The following PHF21A variants were observed in gnomAD, a reference collection of about 807,000 sequenced individuals.
The protein encoded by PHF21A is PHD finger protein 21A.
A neutral mutation model predicts 82.5 loss-of-function variants in PHF21A; 11 were observed. The ratio of observed to expected loss-of-function variants is 0.13; its 90% CI spans 0.08 to 0.22. PHF21A has a LOEUF of 0.22. PHF21A is among the 10% of genes least tolerant of loss of function. The pLI is 1.00. For synonymous variants in PHF21A, 297 were observed against 302.8 expected (o/e 0.98, Z 0.20); for missense variants, 579 against 837.8 (o/e 0.69, Z 3.81).
rs1189054423 is a variant in PHF21A at position 46,034,543 on chromosome 11, A to G, written c.153+42211T>C. Among the ~76,000 whole-genome samples, 6 of 152,210 alleles carry G rather than the reference A, an allele frequency of 3.9e-5. No individual in the cohort carries two copies. The East Asian group carries it at 1.2e-3, about 29-fold the overall frequency. ...TCTTTTAGTATTTTTATAATGTTAT[A>G]TATTAAATCTCTAATCCACTTTAAA... On this transcript the variant is annotated intron_variant, in intron 6 of 18. Coordinates refer to ENST00000676320, the MANE Select transcript of PHF21A (RefSeq NM_001352027.3).
chr11:45,967,228 C>A (rs2093490794), intron 9 of PHF21A, among the ~76,000 whole-genome samples: 1 of 152,076 alleles, frequency 6.6e-6, no homozygotes, highest in South Asian at 2.1e-4. Context: ...ATTAGCCAGG[C>A]ATGGTGGCAC....
At chr11:46,001,785 C>T (rs1355004168) in intron 6 of PHF21A, among the ~76,000 whole-genome samples, 1 of 152,110 alleles carries the variant, frequency 6.6e-6, no homozygotes, top group African/African-American at 2.4e-5. Flanking sequence ...ACTAGAAAAA[C>T]GTCACTTTGA....
intron 6 of PHF21A, among the ~76,000 whole-genome samples, chr11:45,986,645 G>A (rs1276931998): frequency 3.9e-5 from 6 of 152,052 alleles, no homozygotes; most frequent in Non-Finnish European, 8.8e-5. Flanking sequence ...AAACTATACC[G>A]CCCTCCTTCC....
chr11:46,114,731 T>C (rs1406542898), intron 1 of PHF21A, among the ~76,000 whole-genome samples: 1 of 152,186 alleles, frequency 6.6e-6, no homozygotes, highest in Non-Finnish European at 1.5e-5. Flanking sequence ...AATAATCAAC[T>C]ACTGTTTGAT....
chr11:46,026,266 G>T (rs2095743631), intron 6 of PHF21A, among the ~76,000 whole-genome samples: 1 of 152,148 alleles, frequency 6.6e-6, no homozygotes, highest in Admixed American at 6.5e-5. Flanking sequence ...CAGCTCAGTG[G>T]CATGGGATAT....
intron 1 of PHF21A, among the ~76,000 whole-genome samples, chr11:46,108,749 CGTT>C (rs1454022417): frequency 2.0e-5 from 3 of 152,018 alleles, no homozygotes; most frequent in African/African-American, 4.8e-5. Flanking sequence ...CACTCTAAAA[CGTT>C]GATCGTTATA....
intron 10 of PHF21A, among the ~76,000 whole-genome samples, chr11:45,959,431 A>G (rs888102210): frequency 1.3e-5 from 2 of 152,260 alleles, no homozygotes; most frequent in Non-Finnish European, 2.9e-5. Context: ...ACATTTATGA[A>G]AACACAGCTA....
chr11:45,941,631 C>T (rs1009420693), intron 15 of PHF21A, among the ~76,000 whole-genome samples: 19 of 152,164 alleles, frequency 1.2e-4, no homozygotes, highest in Non-Finnish European at 2.2e-4. Flanking sequence ...AAACATTTTA[C>T]CCATACAGAA....
At chr11:45,938,895 G>C (rs1206800354) in intron 15 of PHF21A, among the ~76,000 whole-genome samples, 1 of 151,336 alleles carries the variant, frequency 6.6e-6, no homozygotes, top group Admixed American at 6.6e-5. Flanking sequence ...GTGCAGTGGC[G>C]CGATCTCAGC....
At chr11:46,027,529 A>G (rs537312682) in intron 6 of PHF21A, among the ~76,000 whole-genome samples, 3 of 152,360 alleles carry the variant, frequency 2.0e-5, no homozygotes, top group African/African-American at 7.2e-5. Context: ...TGCACAGGAA[A>G]CACACAAAAT....
At chr11:46,120,312 G>T (rs1268812534) in intron 1 of PHF21A, 2 of 122,404 alleles carry the variant, frequency 1.6e-5, no homozygotes, top group Non-Finnish European at 3.4e-5. Context: ...GGGTGGGGTG[G>T]GGGGGATGGA....
intron 6 of PHF21A, among the ~76,000 whole-genome samples, chr11:46,032,390 TTAA>T (rs1436343167): frequency 2.0e-5 from 3 of 152,230 alleles, no homozygotes; most frequent in Admixed American, 1.3e-4. Context: ...CTTCGTTTAT[TTAA>T]TAATATGTCA....
intron 6 of PHF21A, among the ~76,000 whole-genome samples, chr11:45,981,392 CAAAAAAAA>C (rs59866051): frequency 8.3e-5 from 5 of 60,264 alleles, no homozygotes; most frequent in Admixed American, 1.5e-4. Flanking sequence ...AACCCTGTCT[CAAAAAAAA>C]AAAAAAAAAA....
intron 6 of PHF21A, among the ~76,000 whole-genome samples, chr11:46,035,715 G>A (rs2095985965): frequency 1.3e-5 from 2 of 152,256 alleles, no homozygotes; most frequent in South Asian, 4.1e-4. Flanking sequence ...AGCTCACCAA[G>A]GTGGGGAGGA....
chr11:45,975,756 C>A (rs2093993789), intron 7 of PHF21A, among the ~76,000 whole-genome samples: 1 of 152,164 alleles, frequency 6.6e-6, no homozygotes, highest in South Asian at 2.1e-4. Context: ...CTAAGTAAAG[C>A]AAACTGTTCC....
chr11:46,074,020 G>A (rs950659578), intron 6 of PHF21A, among the ~76,000 whole-genome samples: 10 of 152,066 alleles, frequency 6.6e-5, no homozygotes, highest in African/African-American at 2.4e-4. Flanking sequence ...TAGTTTTAAG[G>A]GAGAAACTGA....
At chr11:46,022,226 G>T (rs181627396) in intron 6 of PHF21A, among the ~76,000 whole-genome samples, 1 of 152,112 alleles carries the variant, frequency 6.6e-6, no homozygotes, top group East Asian at 1.9e-4. Context: ...GCCAAGGTGG[G>T]AGGACCACTT....
chr11:46,042,875 G>T (rs1048921757), intron 6 of PHF21A, among the ~76,000 whole-genome samples: 1 of 152,004 alleles, frequency 6.6e-6, no homozygotes, highest in Non-Finnish European at 1.5e-5. Context: ...CTTGAACGTG[G>T]ACATCCCAGC....
chr11:45,936,720 T>C, intron 16 of PHF21A, 151 bp from the exon 17 acceptor site: 1 of 616,172 alleles, frequency 1.6e-6, no homozygotes, highest in Non-Finnish European at 2.9e-6. Flanking sequence ...CTATAGTTTC[T>C]GGACTAAAAA....
Sources: gnomAD v4.1 joint callset for allele counts (sites outside exome capture counted in the v4.1 genomes callset) on GRCh38, gnomAD v4.1.1 for gene constraint, MANE v1.5 for transcripts, NCBI Gene and HGNC (gene_info 2026-07-23, HGNC 2026-07-21) for gene names.